EYS: variants seen among roughly 807,000 people sequenced by gnomAD.
The protein encoded by EYS is protein eyes shut homolog.
A neutral mutation model predicts 282.1 loss-of-function variants in EYS; 250 were observed. The observed-to-expected ratio is 0.89, with a 90% confidence interval of 0.80 to 0.98. The LOEUF (loss-of-function observed/expected upper bound fraction) is 0.98. EYS is among the 50% of genes least tolerant of loss of function. The probability of loss-of-function intolerance (pLI) is 0.00; values close to 1 mark genes in which losing one functional copy is unlikely to be tolerated. For synonymous variants in EYS, 1,355 were observed against 1,282.9 expected (o/e 1.06, Z -1.20); for missense variants, 4,016 against 3,709.0 (o/e 1.08, Z -2.15).
intron 12 of EYS, among the ~76,000 whole-genome samples, chr6:65,215,170 A>G (rs1369652284): frequency 6.6e-6 from 1 of 152,176 alleles, no homozygotes; most frequent in Non-Finnish European, 1.5e-5. Flanking sequence ...TAGATACCAT[A>G]GATAGTGATT....
chr6:65,405,136 T>A (rs745477622), intron 6 of EYS, 38 bp downstream of exon 6: 77 of 1,508,318 alleles, frequency 5.1e-5, no homozygotes, highest in Middle Eastern at 1.7e-4. Flanking sequence ...GTAAAAAAAA[T>A]TTAAAACCAC....
chr6:64,450,612 G>C (rs1216883075), intron 26 of EYS, among the ~76,000 whole-genome samples: 3 of 152,060 alleles, frequency 2.0e-5, no homozygotes, highest in African/African-American at 7.2e-5. Context: ...TGGAAGTAAA[G>C]CACCCCTCAG....
intron 31 of EYS, among the ~76,000 whole-genome samples, chr6:64,105,633 C>A (rs1772984709): frequency 6.6e-6 from 1 of 152,078 alleles, no homozygotes; most frequent in Non-Finnish European, 1.5e-5. Context: ...CTAATCTTTT[C>A]TCTTTCACTA....
At chr6:64,345,028 C>T (rs1771317468) in intron 29 of EYS, among the ~76,000 whole-genome samples, 1 of 151,980 alleles carries the variant, frequency 6.6e-6, no homozygotes, top group Non-Finnish European at 1.5e-5. Flanking sequence ...AACTACAAAC[C>T]GCTGCTCAAT....
chr6:64,493,225 G>A (rs1776789683), intron 26 of EYS, among the ~76,000 whole-genome samples: 2 of 151,322 alleles, frequency 1.3e-5, no homozygotes, highest in Non-Finnish European at 3.0e-5. Context: ...CAGCAGACAT[G>A]ACTCTAAACA....
chr6:65,534,599 C>T (rs868082882), intron 2 of EYS, among the ~76,000 whole-genome samples: 3 of 152,078 alleles, frequency 2.0e-5, no homozygotes, highest in South Asian at 2.1e-4. Flanking sequence ...TTAATTTTTG[C>T]GTCTGCTTGC....
intron 30 of EYS, among the ~76,000 whole-genome samples, chr6:64,293,152 G>A (rs547864813): frequency 2.0e-5 from 3 of 152,102 alleles, no homozygotes; most frequent in South Asian, 2.1e-4. Flanking sequence ...ATAAAGGCTC[G>A]ATTCATTTTG....
intron 35 of EYS, among the ~76,000 whole-genome samples, chr6:63,965,490 C>T (rs1766263773): frequency 6.6e-6 from 1 of 152,132 alleles, no homozygotes; most frequent in South Asian, 2.1e-4. Flanking sequence ...TTTTGATGAG[C>T]AGGGAAAATA....
At chr6:65,341,315 A>AT (rs1352993374) in intron 10 of EYS, among the ~76,000 whole-genome samples, 1 of 151,214 alleles carries the variant, frequency 6.6e-6, no homozygotes, top group Non-Finnish European at 1.5e-5. Flanking sequence ...GCTTGCTGAC[A>AT]TAAGTTTTCA....
chr6:65,475,847 T>C (rs1263592215), intron 5 of EYS, among the ~76,000 whole-genome samples: 1 of 151,542 alleles, frequency 6.6e-6, no homozygotes, highest in African/African-American at 2.4e-5. Flanking sequence ...CATGGAGTAA[T>C]TAAATTTATT....
chr6:65,061,932 T>C (rs1446042360), intron 12 of EYS, among the ~76,000 whole-genome samples: 2 of 152,006 alleles, frequency 1.3e-5, no homozygotes, highest in Non-Finnish European at 2.9e-5. Flanking sequence ...TCTTACTCTT[T>C]ATTTTTTTGT....
At chr6:64,897,000 C>A (rs1057402105) in intron 18 of EYS, among the ~76,000 whole-genome samples, 1 of 152,158 alleles carries the variant, frequency 6.6e-6, no homozygotes, top group African/African-American at 2.4e-5. Context: ...GGACAGAGCA[C>A]CTGAGGGAAG....
chr6:64,774,919 T>C (rs1486840523), intron 22 of EYS, among the ~76,000 whole-genome samples: 1 of 152,014 alleles, frequency 6.6e-6, no homozygotes, highest in African/African-American at 2.4e-5. Flanking sequence ...CTATAAAATA[T>C]TTGTATTTGC....
At chr6:64,110,354 T>C (rs554235495) in intron 31 of EYS, among the ~76,000 whole-genome samples, 2 of 152,152 alleles carry the variant, frequency 1.3e-5, no homozygotes, top group Admixed American at 1.3e-4. Context: ...TGACCTTTAA[T>C]GATACTCAGA....
At chr6:65,478,123 G>T (rs1582349445) in intron 5 of EYS, among the ~76,000 whole-genome samples, 1 of 152,132 alleles carries the variant, frequency 6.6e-6, no homozygotes, top group South Asian at 2.1e-4. Context: ...TCAGTAGGAG[G>T]AGTAAAGGAA....
chr6:65,401,251 A>T (rs1766482082), intron 7 of EYS, among the ~76,000 whole-genome samples: 1 of 151,868 alleles, frequency 6.6e-6, no homozygotes, highest in African/African-American at 2.4e-5. Context: ...GAGAACAGAA[A>T]AATAGATTTC....
chr6:64,292,876 T>C (rs1241614388), intron 30 of EYS, among the ~76,000 whole-genome samples: 1 of 152,130 alleles, frequency 6.6e-6, no homozygotes, highest in Non-Finnish European at 1.5e-5. Context: ...CTGTGGTCAG[T>C]ATTATTGTTA....
intron 2 of EYS, among the ~76,000 whole-genome samples, chr6:65,558,865 A>G (rs1644886206): frequency 6.6e-6 from 1 of 152,162 alleles, no homozygotes; most frequent in Non-Finnish European, 1.5e-5. Context: ...GTAACTCCAG[A>G]AGAGTCACAA....
chr6:65,318,213 G>T (rs1323967487), intron 11 of EYS, among the ~76,000 whole-genome samples: 6 of 151,210 alleles, frequency 4.0e-5, no homozygotes, highest in African/African-American at 7.3e-5. Flanking sequence ...CCATAGAACT[G>T]TTCACAATAT....
Sources: gnomAD v4.1 joint callset for allele counts (sites outside exome capture counted in the v4.1 genomes callset) on GRCh38, gnomAD v4.1.1 for gene constraint, MANE v1.5 for transcripts, NCBI Gene and HGNC (gene_info 2026-07-23, HGNC 2026-07-21) for gene names.